The following ZNF624 variants were observed in gnomAD, a reference collection of about 807,000 sequenced individuals.
ZNF624 encodes zinc finger protein 624.
ZNF624 carries 43 observed loss-of-function variants against 74.7 expected under a neutral mutation model. That is an observed-to-expected ratio of 0.58 (90% confidence interval 0.45 to 0.74). ZNF624 has a LOEUF of 0.74. Ranked by LOEUF, ZNF624 falls within the 30% of genes least tolerant of loss-of-function variation. The probability of loss-of-function intolerance (pLI) is 0.00; values close to 1 mark genes in which losing one functional copy is unlikely to be tolerated. For synonymous variants in ZNF624, 331 were observed against 341.3 expected, an observed-to-expected ratio of 0.97 and a Z score of 0.33; for missense variants, 820 against 1,030.0, an observed-to-expected ratio of 0.80 and a Z score of 2.79.
At chr17:16,615,169 C>T in the ZNF624 span, among the ~76,000 whole-genome samples, 1 of 152,174 alleles carries the variant, frequency 6.6e-6, no homozygotes, top group Admixed American at 6.5e-5. Context: ...GCGATCTGGG[C>T]TCACTGCAAG....
Position 16,622,936 on chromosome 17 carries a change from C to T in ZNF624, c.1950G>A (p.Arg650=). ...YKCYDCGKSF[R]TKSYLIVHQR... is the part of the protein sequence containing the mutation. ...GATGTACAATAAGGTATGATTTAGTCCTAAAGGACTTTCCACAGTCATAAC... is the reference window on the plus strand; with the variant it reads ...GATGTACAATAAGGTATGATTTAGTTCTAAAGGACTTTCCACAGTCATAAC... Residue 650 remains arginine, a synonymous_variant, in exon 6 of 6, where the codon AGG becomes AGA. Transcript: ENST00000311331. 1 of 1,613,884 alleles carries T rather than the reference C, an allele frequency of 6.2e-7. No individual in the cohort carries two copies. Among genetic ancestry groups the T allele is most frequent in the Non-Finnish European group, 8.5e-7 (1 of 1,179,948 alleles).
In ZNF624 at chr17:16,634,670, C is replaced by T; in HGVS notation, c.240G>A (p.Lys80=). Residue 80 remains lysine, a synonymous_variant, in exon 4 of 6, where the codon AAG becomes AAA. Transcript: ENST00000311331. ...LMDPTQRNLH[K]DVMLENYRNL... is the part of the protein sequence containing the mutation. ...TCCTGTAATTCTCTAGCATCACATC[C>T]TTGTGCAGGTTCCTCTGTGTAGGGT... The T allele has an allele frequency of 4.3e-6, 7 of 1,613,848 alleles. No homozygotes were observed. The highest frequency in any genetic ancestry group is 5.1e-6 in the Non-Finnish European group (6 of 1,179,784).
chr17:16,626,778 C>T lies in ZNF624; in HGVS notation c.377-2269G>A, dbSNP rs191103004. ...AATAAATAAATAAATAAATGAAGGCCGGGCACAGTGGCTCACGCCTGTAAT... is the reference window on the plus strand; with the variant it reads ...AATAAATAAATAAATAAATGAAGGCTGGGCACAGTGGCTCACGCCTGTAAT... On this transcript the variant is annotated intron_variant, in intron 5 of 5. Transcript: ENST00000311331. 7.9e-4 allele frequency among the ~76,000 whole-genome samples: 120 copies of T among 151,872 alleles called. 1 individual carries two copies. The highest frequency in any genetic ancestry group is 2.3e-3 in the East Asian group (12 of 5,164).
intron 3 of ZNF624, among the ~76,000 whole-genome samples, chr17:16,637,039 A>C (rs1909349287): frequency 6.6e-6 from 1 of 152,178 alleles, no homozygotes; most frequent in Non-Finnish European, 1.5e-5. Context: ...TAGGCAGGAG[A>C]AGGAAATAAA....
intron 3 of ZNF624, among the ~76,000 whole-genome samples, chr17:16,644,552 G>T (rs983719634): frequency 3.9e-5 from 6 of 152,112 alleles, no homozygotes; most frequent in Admixed American, 6.6e-5. Context: ...TGCATACAAT[G>T]GAAACCAGAA....
intron 3 of ZNF624, among the ~76,000 whole-genome samples, chr17:16,635,821 T>G (rs951788191): frequency 2.1e-4 from 31 of 149,936 alleles, no homozygotes; most frequent in African/African-American, 7.6e-4. Context: ...GGTTAAAAAC[T>G]CCATAGTTCT....
chr17:16,647,486 A>T, intron 2 of ZNF624, 92 bp from the exon 3 acceptor site: 1 of 1,033,184 alleles, frequency 9.7e-7, no homozygotes, highest in Non-Finnish European at 1.5e-6. Flanking sequence ...CTGTGGATGC[A>T]GTGTATACAG....
At chr17:16,616,712 C>T, downstream of ZNF624, 1 of 507,556 alleles carries the variant, frequency 2.0e-6, no homozygotes, top group South Asian at 5.7e-5. Context: ...CCAATTTGGC[C>T]ACATATCAAA....
At chr17:16,614,297 A>G in the ZNF624 span, among the ~76,000 whole-genome samples, 1 of 152,160 alleles carries the variant, frequency 6.6e-6, no homozygotes, top group South Asian at 2.1e-4. Flanking sequence ...AAGTCCTAGA[A>G]AACCTAATCA....
chr17:16,636,003 C>T (rs1206830894), intron 3 of ZNF624, among the ~76,000 whole-genome samples: 1 of 151,982 alleles, frequency 6.6e-6, no homozygotes, highest in African/African-American at 2.4e-5. Context: ...CTAAAAGGAA[C>T]CAGGGCCTAG....
intron 3 of ZNF624, among the ~76,000 whole-genome samples, chr17:16,639,240 A>T (rs1909411358): frequency 6.6e-6 from 1 of 152,182 alleles, no homozygotes. Context: ...ATCAGAAGAA[A>T]GATTTCCTCT....
At chr17:16,637,698 C>G (rs1299448034) in intron 3 of ZNF624, among the ~76,000 whole-genome samples, 1 of 152,152 alleles carries the variant, frequency 6.6e-6, no homozygotes, top group Non-Finnish European at 1.5e-5. Context: ...CTTCCTTACA[C>G]CTTATACAAA....
intron 1 of ZNF624, among the ~76,000 whole-genome samples, chr17:16,650,795 T>G (rs1909706084): frequency 6.6e-6 from 1 of 152,222 alleles, no homozygotes; most frequent in Non-Finnish European, 1.5e-5. Flanking sequence ...TATATGGTCC[T>G]GCAAGTAGGG....
chr17:16,616,823 G>A (rs1908801274), downstream of ZNF624: 2 of 1,023,350 alleles, frequency 2.0e-6, no homozygotes, highest in Non-Finnish European at 2.9e-6. Flanking sequence ...CCATAATAGT[G>A]TGCAGACAAC....
chr17:16,630,330 G>A (rs147975777), intron 5 of ZNF624, among the ~76,000 whole-genome samples: 3,159 of 151,688 alleles, frequency 0.021, 100 homozygotes, highest in African/African-American at 0.072. Context: ...GCCGAGGTGG[G>A]TGGATCACCT....
rs374482017 is a variant in ZNF624, at chr17:16,623,355, G to A, written c.1531C>T (p.Arg511Cys). ...ECNECGKAFN[R>C]IANFTEHQRI... ...TGATGTTCTGTGAAATTTGCGATGC[G>A]GTTGAATGCTTTCCCACATTCATTA... Residue 511 changes from arginine to cysteine, a missense_variant, in exon 6 of 6, where the codon CGC becomes TGC. Transcript: ENST00000311331. The surrounding 1 kb of genome is among the most constrained non-coding windows in gnomAD (Gnocchi z 5.3). 21 of 1,613,168 alleles carry A rather than the reference G, an allele frequency of 1.3e-5. No individual in the cohort carries two copies. The highest frequency in any genetic ancestry group is 2.2e-5 in the East Asian group (1 of 44,834).
rs779224917 is a variant in ZNF624, at chr17:16,634,689, G to A, written c.221C>T (p.Thr74Ile). ...TLEEWRLMDP[T>I]QRNLHKDVML... is the part of the protein sequence containing the mutation. ...CACATCCTTGTGCAGGTTCCTCTGT[G>A]TAGGGTCCATCAACCTCCACTCCTC... Residue 74 changes from threonine to isoleucine, a missense_variant, in exon 4 of 6, where the codon ACA (threonine) becomes ATA (isoleucine). Thr to Ile is a moderately conservative substitution (Grantham distance 89). Transcript: ENST00000311331. 1.2e-5 allele frequency: 20 copies of A among 1,613,862 alleles called. No individual in the cohort carries two copies. In the South Asian group the frequency reaches 2.2e-4, roughly 18 times the overall value.
At chr17:16,616,526 CCAG>C (rs1295734209), downstream of ZNF624, among the ~76,000 whole-genome samples, 1 of 152,136 alleles carries the variant, frequency 6.6e-6, no homozygotes, top group African/African-American at 2.4e-5. Context: ...AAAAACCCTG[CCAG>C]CAGATCTGGC....
rs145669708 is a variant in ZNF624, at chr17:16,623,147, T to G, written c.1739A>C (p.Glu580Ala). The G allele has an allele frequency of 6.8e-6, 11 of 1,613,828 alleles. No individual in the cohort carries two copies. In the African/African-American group the frequency reaches 1.5e-4, roughly 22 times the overall value. The change falls in exon 6 of 6, where the codon GAA becomes GCA. Residue 580 changes from glutamate (E) to alanine (A), a missense_variant. Physicochemically the swap from Glu to Ala is moderately radical, Grantham distance 107. Coordinates refer to ENST00000311331, the MANE Select transcript of ZNF624 (RefSeq NM_020787.4). This position sits in a 1 kb window ranked among gnomAD's most constrained non-coding sequence, Gnocchi z 5.3. The stretch of plus-strand genomic sequence containing the variant: ...TTCATTGCACAGATAAGGTTTCTCT[T>G]CAGTATGAATACGCTGATGTATAAT... ...SLIIHQRIHT[E>A]EKPYLCNECG...
Sources: gnomAD v4.1 joint callset for allele counts (sites outside exome capture counted in the v4.1 genomes callset) on GRCh38, gnomAD v4.1.1 for gene constraint, Gnocchi (gnomAD v3.1) non-coding constraint, MANE v1.5 for transcripts, NCBI Gene and HGNC (gene_info 2026-07-23, HGNC 2026-07-21) for gene names.